Variants in SOX5 observed in about 807,000 individuals in gnomAD.
The protein encoded by SOX5 is SRY-box transcription factor 5.
A neutral mutation model predicts 92.0 loss-of-function variants in SOX5; 9 were observed. That is an observed-to-expected ratio of 0.10 (90% CI 0.06 to 0.17). The LOEUF is 0.17. Ranked by LOEUF, SOX5 falls within the 10% of genes least tolerant of loss-of-function variation. SOX5 has a pLI of 1.00. For missense variants in SOX5, 642 were observed against 944.5 expected, an observed-to-expected ratio of 0.68 and a Z score of 4.20; for synonymous variants, 344 against 336.3, an observed-to-expected ratio of 1.02 and a Z score of -0.25.
intron 3 of SOX5, among the ~76,000 whole-genome samples, chr12:23,771,267 T>C (rs568941020): frequency 6.6e-6 from 1 of 151,732 alleles, no homozygotes; most frequent in East Asian, 1.9e-4. Flanking sequence ...AGTAAGCCCC[T>C]TTTCCTATTT....
At chr12:23,791,706 A>C (rs753164922) in intron 3 of SOX5, among the ~76,000 whole-genome samples, 2 of 152,126 alleles carry the variant, frequency 1.3e-5, no homozygotes, top group Non-Finnish European at 2.9e-5. Context: ...AAATTTGATC[A>C]CCCACTTACT....
chr12:23,859,973 G>T (rs2096736500), intron 2 of SOX5, among the ~76,000 whole-genome samples: 1 of 152,156 alleles, frequency 6.6e-6, no homozygotes, highest in Non-Finnish European at 1.5e-5. Flanking sequence ...CCATAACAAA[G>T]AATGAGGTCA....
chr12:23,909,799 C>CT (rs879585989), intron 1 of SOX5, among the ~76,000 whole-genome samples: 28 of 147,404 alleles, frequency 1.9e-4, no homozygotes, highest in South Asian at 2.2e-4. Flanking sequence ...TTGCTGTTTT[C>CT]TTTTTTTTTT....
intron 2 of SOX5, among the ~76,000 whole-genome samples, chr12:23,866,019 A>G (rs1019534711): frequency 2.0e-5 from 3 of 152,242 alleles, no homozygotes; most frequent in Non-Finnish European, 4.4e-5. Context: ...TGAATGAATG[A>G]GAAGTTACTT....
At chr12:24,249,815 A>C (rs759140214) in intron 3 of SOX5, among the ~76,000 whole-genome samples, 1 of 152,164 alleles carries the variant, frequency 6.6e-6, no homozygotes, top group Non-Finnish European at 1.5e-5. Context: ...ATTCAAATTA[A>C]ATGGTCTTTT....
chr12:23,904,612 G>T (rs371277242), intron 1 of SOX5, among the ~76,000 whole-genome samples: 1 of 152,028 alleles, frequency 6.6e-6, no homozygotes, highest in South Asian at 2.1e-4. Flanking sequence ...TATAATCTGA[G>T]TTTATACAAA....
chr12:23,716,399 G>A (rs1044857246), intron 6 of SOX5, among the ~76,000 whole-genome samples: 1 of 152,168 alleles, frequency 6.6e-6, no homozygotes, highest in Non-Finnish European at 1.5e-5. Flanking sequence ...GAAATGTGTT[G>A]TAAGGCATAA....
At chr12:23,821,976 C>T (rs2096128336) in intron 3 of SOX5, among the ~76,000 whole-genome samples, 1 of 151,654 alleles carries the variant, frequency 6.6e-6, no homozygotes, top group South Asian at 2.1e-4. Context: ...TGGTGATATC[C>T]CCTTTATCAT....
chr12:24,409,785 A>C (rs1366791846), intron 1 of SOX5, among the ~76,000 whole-genome samples: 1 of 152,164 alleles, frequency 6.6e-6, no homozygotes, highest in African/African-American at 2.4e-5. Flanking sequence ...CTTAGCTGCT[A>C]TCTGTATATC....
At chr12:24,423,436 A>G (rs1174962677) in intron 1 of SOX5, among the ~76,000 whole-genome samples, 2 of 152,254 alleles carry the variant, frequency 1.3e-5, no homozygotes, top group African/African-American at 4.8e-5. Context: ...TATTAAAACT[A>G]TAAAACGTCC....
At position 23,999,491 on chromosome 12, in the gene SOX5, T is replaced by C. The variant is rs148380011; in HGVS notation, c.-1-103467A>G. On this transcript the variant is annotated intron_variant, in intron 4 of 4. Transcript: ENST00000446891. ...CAAGAAGGGTAATAATCTGAGGTGA[T>C]AGATATGTTAACTAGCTGGATTGTG... 1.3e-4 allele frequency among the ~76,000 whole-genome samples: 20 copies of C among 152,242 alleles called. 1 individual carries two copies. Among genetic ancestry groups the C allele is most frequent in the Admixed American group, 7.9e-4 (12 of 15,278 alleles).
chr12:23,917,263 G>A (rs922551792), intron 1 of SOX5, among the ~76,000 whole-genome samples: 8 of 152,080 alleles, frequency 5.3e-5, no homozygotes, highest in African/African-American at 9.7e-5. Flanking sequence ...ACTTCTGGCC[G>A]GGCGCAGTGG....
intron 1 of SOX5, among the ~76,000 whole-genome samples, chr12:23,918,586 T>C (rs887104323): frequency 6.6e-6 from 1 of 152,208 alleles, no homozygotes; most frequent in African/African-American, 2.4e-5. Flanking sequence ...TACTTAACCA[T>C]GCCTTTCAAA....
At chr12:23,641,843 T>G (rs1425127377) in intron 7 of SOX5, among the ~76,000 whole-genome samples, 1 of 152,198 alleles carries the variant, frequency 6.6e-6, no homozygotes, top group East Asian at 1.9e-4. Flanking sequence ...AAATCTAATT[T>G]ATAAAAAATG....
chr12:24,114,573 C>CAAAAAA lies in SOX5; in HGVS notation c.-2+98764_-2+98769dup, dbSNP rs55913110. ...CCTGGTGACAGGGCACACCCCGTCA[C>CAAAAAA]AAAAAAAAAAAAAAAAAAAAAAAAA... On this transcript the variant is annotated intron_variant, in intron 4 of 4. Transcript: ENST00000446891. 4.0e-3 allele frequency among the ~76,000 whole-genome samples: 163 copies of CAAAAAA among 40,580 alleles called. 10 individuals are homozygous for CAAAAAA. The highest frequency in any genetic ancestry group is 7.4e-3 in the African/African-American group (78 of 10,568). The allele number at this position is 40,580 out of a possible 152,430, so 26.6% of individuals were successfully genotyped here.
chr12:24,159,651 T>C (rs1952548457), intron 4 of SOX5, among the ~76,000 whole-genome samples: 3 of 152,042 alleles, frequency 2.0e-5, no homozygotes, highest in South Asian at 2.1e-4. Flanking sequence ...TTTTAGAAGA[T>C]AGCATATGAT....
At chr12:23,786,202 A>C (rs2095374124) in intron 3 of SOX5, among the ~76,000 whole-genome samples, 1 of 152,040 alleles carries the variant, frequency 6.6e-6, no homozygotes, top group Non-Finnish European at 1.5e-5. Flanking sequence ...TTATCCCACA[A>C]CAGCTAGTGT....
intron 6 of SOX5, among the ~76,000 whole-genome samples, chr12:23,681,188 A>G (rs1415054654): frequency 6.6e-6 from 1 of 152,030 alleles, no homozygotes; most frequent in East Asian, 1.9e-4. Flanking sequence ...ACTCAGGAGG[A>G]GCAATACAGT....
intron 3 of SOX5, among the ~76,000 whole-genome samples, chr12:23,836,905 G>T (rs1194501680): frequency 1.3e-5 from 2 of 151,806 alleles, no homozygotes; most frequent in South Asian, 2.1e-4. Flanking sequence ...TCATGATGTT[G>T]TTCCCATTAC....
Sources: gnomAD v4.1 joint callset for allele counts (sites outside exome capture counted in the v4.1 genomes callset) on GRCh38, gnomAD v4.1.1 for gene constraint, MANE v1.5 for transcripts, NCBI Gene and HGNC (gene_info 2026-07-23, HGNC 2026-07-21) for gene names.